Variants in COL4A2 observed in about 807,000 individuals in gnomAD.
The protein encoded by COL4A2 is collagen type IV alpha 2 chain.
COL4A2 carries 99 observed loss-of-function variants against 200.2 expected under a neutral mutation model. The observed-to-expected ratio is 0.49, with a 90% CI of 0.42 to 0.58. The LOEUF (loss-of-function observed/expected upper bound fraction) is 0.58. Among genes scored for constraint, COL4A2 ranks in the 20% least tolerant of loss-of-function variants. COL4A2 has a pLI of 0.00. For synonymous variants in COL4A2, 897 were observed against 900.6 expected (o/e 1.00, Z 0.07); for missense variants, 1,950 against 2,314.1 (o/e 0.84, Z 3.23).
rs375989347 is a variant in COL4A2, at chr13:110,446,899, C to T, written c.1078+35C>T. 960 of 1,558,310 alleles carry T rather than the reference C, an allele frequency of 6.2e-4. 12 individuals are homozygous for T. The South Asian group carries it at 1.0e-2, about 16-fold the overall frequency. On this transcript the variant is annotated intron_variant, in intron 18 of 47. Coordinates refer to ENST00000360467, the MANE Select transcript of COL4A2 (RefSeq NM_001846.4). ...CAATTTCACCTGCATAGTTCAGCAT[C>T]GCATACACATTCTCTCCTGTTAGGG...
At chr13:110,461,907 C>G in intron 22 of COL4A2, 1 of 647,918 alleles carries the variant, frequency 1.5e-6, no homozygotes, top group Non-Finnish European at 2.6e-6. Context: ...AGTTCCAGTG[C>G]TCCACAGCCA....
intron 4 of COL4A2, among the ~76,000 whole-genome samples, chr13:110,403,372 C>A (rs1193626276): frequency 1.3e-5 from 2 of 152,198 alleles, no homozygotes; most frequent in Non-Finnish European, 2.9e-5. Flanking sequence ...ATTTCTTCTG[C>A]CAAATATCCT....
chr13:110,509,596 C>G (rs571995195), intron 47 of COL4A2, among the ~76,000 whole-genome samples: 5 of 151,878 alleles, frequency 3.3e-5, no homozygotes, highest in Non-Finnish European at 7.4e-5. Context: ...TTTTCACTCC[C>G]GTTGTTAAAT....
At chr13:110,338,137 T>C (rs1566480597) in intron 3 of COL4A2, among the ~76,000 whole-genome samples, 2 of 152,250 alleles carry the variant, frequency 1.3e-5, no homozygotes, top group Non-Finnish European at 2.9e-5. Context: ...TGAGTCTGTT[T>C]CATGTGCATT....
chr13:110,491,947 C>T, intron 37 of COL4A2, 123 bp from the exon 38 acceptor site: 1 of 727,876 alleles, frequency 1.4e-6, no homozygotes, highest in Non-Finnish European at 2.2e-6. Context: ...TCTCCTCCAA[C>T]TGGCACTGCG....
intron 18 of COL4A2, 35 bp downstream of exon 18, chr13:110,446,899 C>CCCTGACAATGGATAAGTGA: frequency 5.1e-6 from 8 of 1,558,318 alleles, no homozygotes; most frequent in Non-Finnish European, 7.1e-6. Flanking sequence ...AGTTCAGCAT[C>CCCTGACAATGGATAAGTGA]GCATACACAT....
chr13:110,457,822 C>G, intron 21 of COL4A2: 1 of 472,582 alleles, frequency 2.1e-6, no homozygotes, highest in Non-Finnish European at 4.4e-6. Context: ...AGAGCTCTGT[C>G]CATAGCAAGG....
intron 6 of COL4A2, among the ~76,000 whole-genome samples, chr13:110,425,967 G>A (rs1397968867): frequency 6.6e-6 from 1 of 152,210 alleles, no homozygotes; most frequent in Admixed American, 6.5e-5. Flanking sequence ...CAAGACAAGA[G>A]CTGCAAGCCA....
chr13:110,308,833 A>G (rs1469929812), intron 3 of COL4A2, among the ~76,000 whole-genome samples: 1 of 152,184 alleles, frequency 6.6e-6, no homozygotes, highest in African/African-American at 2.4e-5. Context: ...TTTAAAGAGT[A>G]GGAGCCACTT....
intron 3 of COL4A2, among the ~76,000 whole-genome samples, chr13:110,320,847 A>T (rs1885256531): frequency 6.6e-6 from 1 of 152,152 alleles, no homozygotes; most frequent in Non-Finnish European, 1.5e-5. Flanking sequence ...ACAACTGTTG[A>T]TTCAGGCAAC....
intron 20 of COL4A2, among the ~76,000 whole-genome samples, 153 bp downstream of exon 20, chr13:110,450,607 G>A (rs1178045902): frequency 2.0e-5 from 3 of 152,160 alleles, no homozygotes; most frequent in African/African-American, 4.8e-5. Context: ...GTAGATTAGG[G>A]TGTAGTGGGT....
intron 4 of COL4A2, among the ~76,000 whole-genome samples, chr13:110,405,207 A>G (rs1879517741): frequency 6.6e-6 from 1 of 152,246 alleles, no homozygotes; most frequent in African/African-American, 2.4e-5. Context: ...CTACAGAGAA[A>G]CGTTTTAGAA....
At chr13:110,370,483 C>A (rs908015550) in intron 4 of COL4A2, among the ~76,000 whole-genome samples, 1 of 152,190 alleles carries the variant, frequency 6.6e-6, no homozygotes, top group Non-Finnish European at 1.5e-5. Flanking sequence ...TCTTGAACTC[C>A]TGACCTCGTG....
intron 4 of COL4A2, among the ~76,000 whole-genome samples, chr13:110,383,120 TA>T (rs1878551836): frequency 3.9e-5 from 6 of 152,282 alleles, no homozygotes; most frequent in Non-Finnish European, 8.8e-5. Context: ...GACTCTTGTT[TA>T]TTTTTTTAAT....
intron 3 of COL4A2, among the ~76,000 whole-genome samples, chr13:110,331,106 A>G (rs1422238535): frequency 2.0e-5 from 3 of 152,176 alleles, no homozygotes; most frequent in Non-Finnish European, 2.9e-5. Context: ...TCTTCTAGAA[A>G]GATCACAATG....
At chr13:110,450,932 C>A (rs9559802) in intron 20 of COL4A2, among the ~76,000 whole-genome samples, 74,554 of 152,012 alleles carry the variant, frequency 0.49, 18,657 homozygotes, top group East Asian at 0.63. Flanking sequence ...CGTGCACAGC[C>A]AAAGCTACAA....
chr13:110,458,986 G>C, intron 22 of COL4A2, 52 bp downstream of exon 22: 3 of 1,461,656 alleles, frequency 2.1e-6, no homozygotes, highest in Non-Finnish European at 2.7e-6. Context: ...GGCCTCCCCA[G>C]GTGTCCCGTT....
intron 3 of COL4A2, among the ~76,000 whole-genome samples, chr13:110,326,477 C>G (rs188334397): frequency 0.022 from 3,287 of 152,236 alleles, 95 homozygotes; most frequent in African/African-American, 0.075. Flanking sequence ...AAGTACTGCC[C>G]AAAGTGTTTC....
chr13:110,511,791 T>C, intron 47 of COL4A2, 143 bp from the exon 48 acceptor site: 2 of 1,358,196 alleles, frequency 1.5e-6, no homozygotes, highest in Non-Finnish European at 2.0e-6. Flanking sequence ...TGAAGGCGCA[T>C]TCGCGAGGAT....
Sources: gnomAD v4.1 joint callset for allele counts (sites outside exome capture counted in the v4.1 genomes callset) on GRCh38, gnomAD v4.1.1 for gene constraint, MANE v1.5 for transcripts, NCBI Gene and HGNC (gene_info 2026-07-23, HGNC 2026-07-21) for gene names.